The following ENPP3 variants were observed in gnomAD, a reference collection of about 807,000 sequenced individuals.
ENPP3 encodes ectonucleotide pyrophosphatase/phosphodiesterase family member 3.
Under a neutral mutation model 117.8 loss-of-function variants are expected in ENPP3, and 104 were observed. The ratio of observed to expected loss-of-function variants is 0.88; its 90% CI spans 0.75 to 1.04. The LOEUF (loss-of-function observed/expected upper bound fraction) is 1.04, where lower values mean the gene tolerates loss of function less well. ENPP3 is among the 50% of genes least tolerant of loss of function. The pLI is 0.00. For synonymous variants in ENPP3, 380 were observed against 349.9 expected (o/e 1.09, Z -0.96); for missense variants, 1,026 against 1,051.9 (o/e 0.98, Z 0.34).
chr6:131,736,115 G>C (rs2114566944), intron 21 of ENPP3, among the ~76,000 whole-genome samples: 1 of 152,350 alleles, frequency 6.6e-6, no homozygotes, highest in East Asian at 1.9e-4. Context: ...CTTTGCCCGA[G>C]GAGTGCAGCT....
intron 2 of ENPP3, among the ~76,000 whole-genome samples, chr6:131,645,175 G>A (rs566830024): frequency 1.3e-5 from 2 of 152,344 alleles, no homozygotes; most frequent in African/African-American, 4.8e-5. Context: ...CATAAATACT[G>A]CAGGTTCCCT....
intron 15 of ENPP3, among the ~76,000 whole-genome samples, chr6:131,713,933 C>T (rs1779839446): frequency 6.7e-6 from 1 of 148,832 alleles, no homozygotes; most frequent in Non-Finnish European, 1.5e-5. Context: ...TAGGCACACA[C>T]CACTATACCT....
intron 14 of ENPP3, among the ~76,000 whole-genome samples, chr6:131,692,358 C>T (rs1323635536): frequency 6.6e-6 from 1 of 151,722 alleles, no homozygotes; most frequent in Non-Finnish European, 1.5e-5. Context: ...GTTAAAGAAA[C>T]AAAATTTTAC....
At chr6:131,672,428 A>T (rs1778764472) in intron 7 of ENPP3, among the ~76,000 whole-genome samples, 1 of 152,184 alleles carries the variant, frequency 6.6e-6, no homozygotes, top group South Asian at 2.1e-4. Flanking sequence ...TGTGTTAGGT[A>T]AACTTTGCTG....
rs760073005 is a variant in ENPP3 at position 131,650,059 on chromosome 6, T to G, written c.187T>G (p.Phe63Val). The G allele has an allele frequency of 3.7e-6, 6 of 1,614,042 alleles. No homozygotes were observed. In the East Asian group the frequency reaches 8.9e-5, roughly 24 times the overall value. The change falls in exon 3 of 25, where the codon TTT becomes GTT. Residue 63 changes from phenylalanine (F) to valine (V), a missense_variant. Coordinates refer to ENST00000357639, the MANE Select transcript of ENPP3 (RefSeq NM_005021.5). ...CAGGAAGAAGTGCTTTGATGCATCA[T>G]TTAGAGGACTGGAGAACTGCCGGTG... is the stretch of plus-strand genomic sequence containing the variant. ...SCRKKCFDAS[F>V]RGLENCRCDV...
At chr6:131,685,623 A>G (rs1779138398) in intron 13 of ENPP3, 128 bp downstream of exon 13, 1 of 873,326 alleles carries the variant, frequency 1.1e-6, no homozygotes, top group African/African-American at 1.7e-5. Context: ...CCACAGAGAA[A>G]CAAGTGGGAA....
rs1436753307 is a variant in ENPP3, at chr6:131,733,595, C to T, written c.1961C>T (p.Thr654Ile). Residue 654 changes from threonine to isoleucine, a missense_variant, in exon 21 of 25, where the codon ACA (threonine) becomes ATA (isoleucine). Physicochemically the swap from Thr to Ile is moderately conservative, Grantham distance 89. Transcript: ENST00000357639. ...SSYTVPQLGD[T>I]SPLPPTVPDC... ...CTCTCTCTCTTTGAACAGGGAGACA[C>T]ATCGCCTCTGCCTCCCACTGTCCCA... 5.6e-6 allele frequency: 9 copies of T among 1,612,730 alleles called. No individual in the cohort carries two copies. The highest frequency in any genetic ancestry group is 7.6e-6 in the Non-Finnish European group (9 of 1,179,002).
At chr6:131,671,731 A>C (rs1294800603) in intron 7 of ENPP3, among the ~76,000 whole-genome samples, 1 of 152,180 alleles carries the variant, frequency 6.6e-6, no homozygotes, top group African/African-American at 2.4e-5. Flanking sequence ...AACTTGATAG[A>C]ACTTCTTTTT....
At chr6:131,671,537 C>A (rs868038798) in intron 7 of ENPP3, among the ~76,000 whole-genome samples, 10 of 152,316 alleles carry the variant, frequency 6.6e-5, no homozygotes, top group Middle Eastern at 6.8e-3. Flanking sequence ...AAGTGTCCAG[C>A]ATTAGGTTAA....
At chr6:131,716,972 A>AAAAT (rs545420641) in intron 15 of ENPP3, among the ~76,000 whole-genome samples, 16 of 151,978 alleles carry the variant, frequency 1.1e-4, no homozygotes, top group Admixed American at 3.3e-4. Flanking sequence ...CTCAGTCTCA[A>AAAAT]AAATAAATAA....
intron 17 of ENPP3, 127 bp from the exon 18 acceptor site, chr6:131,722,100 T>C (rs1333077053): frequency 3.0e-6 from 2 of 657,396 alleles, no homozygotes; most frequent in Non-Finnish European, 5.2e-6. Context: ...ATAGAGTACA[T>C]AGCTTCGTTA....
chr6:131,740,620 C>T (rs558150075), intron 24 of ENPP3, among the ~76,000 whole-genome samples: 16 of 152,126 alleles, frequency 1.1e-4, no homozygotes, highest in African/African-American at 1.7e-4. Flanking sequence ...TATTTATATA[C>T]GTTTTATTCA....
At position 131,641,799 on chromosome 6, in the gene ENPP3, G is replaced by GTTTTTTTTTTTTTTTTTTT. The variant is rs540011427; in HGVS notation, c.154+275_154+293dup. ...TTTTCTCTTACCTTTCTCCACCCTG[G>GTTTTTTTTTTTTTTTTTTT]TTTTTTTTTTTTTTTTTTTTTTTTG... is the stretch of plus-strand genomic sequence containing the variant. On this transcript the variant is annotated intron_variant, in intron 2 of 24. Coordinates refer to ENST00000357639, the MANE Select transcript of ENPP3 (RefSeq NM_005021.5). Among the ~76,000 whole-genome samples, 16 of 64,062 alleles carry GTTTTTTTTTTTTTTTTTTT rather than the reference G, an allele frequency of 2.5e-4. 1 individual carries two copies. The highest frequency in any genetic ancestry group is 8.1e-4 in the Admixed American group (3 of 3,724). 42.0% of individuals were successfully genotyped at this position (64,062 alleles called of 152,430 possible). A position where few individuals can be genotyped will look rare whatever the true frequency, so the allele number is the denominator to read the frequency against.
intron 15 of ENPP3, among the ~76,000 whole-genome samples, chr6:131,701,585 A>G (rs1247463930): frequency 1.4e-5 from 2 of 147,988 alleles, no homozygotes; most frequent in Non-Finnish European, 3.0e-5. Flanking sequence ...ATAAATGTTT[A>G]AAAAATATAT....
At chr6:131,643,305 C>T (rs952729352) in intron 2 of ENPP3, among the ~76,000 whole-genome samples, 1 of 152,094 alleles carries the variant, frequency 6.6e-6, no homozygotes, top group South Asian at 2.1e-4. Flanking sequence ...GGCTATTTTA[C>T]CCCCTAAATC....
chr6:131,720,926 ATTAG>A (rs1780004992), intron 17 of ENPP3, among the ~76,000 whole-genome samples: 1 of 152,142 alleles, frequency 6.6e-6, no homozygotes, highest in Non-Finnish European at 1.5e-5. Flanking sequence ...AACCTTTTCT[ATTAG>A]TTAGTTACTA....
chr6:131,739,593 C>CTT (rs71270397), intron 23 of ENPP3, among the ~76,000 whole-genome samples: 1,109 of 87,456 alleles, frequency 0.013, 31 homozygotes, highest in African/African-American at 0.032. Flanking sequence ...TCATGCTCTG[C>CTT]TTTTTTTTTT....
At chr6:131,710,250 T>C in intron 15 of ENPP3, 2 of 1,599,618 alleles carry the variant, frequency 1.3e-6, no homozygotes, top group Non-Finnish European at 1.7e-6. Flanking sequence ...TCAGAACTTG[T>C]TCTGCGTGTA....
At chr6:131,674,995 A>G (rs1778834302) in intron 8 of ENPP3, 85 bp from the exon 9 acceptor site, 2 of 771,262 alleles carry the variant, frequency 2.6e-6, no homozygotes, top group Non-Finnish European at 2.3e-6. Context: ...TGTTGCAACT[A>G]TTAATCTTGT....
Sources: allele counts gnomAD v4.1 joint callset (sites outside exome capture counted in the v4.1 genomes callset), GRCh38; gene constraint gnomAD v4.1.1; transcripts MANE v1.5; gene names NCBI Gene and HGNC (gene_info 2026-07-23, HGNC 2026-07-21).